Variants in SEMA5A observed in about 807,000 individuals in gnomAD.
SEMA5A encodes the protein semaphorin-5A.
Under a neutral mutation model 135.5 loss-of-function variants are expected in SEMA5A, and 55 were observed. The ratio of observed to expected loss-of-function variants is 0.41; its 90% CI spans 0.33 to 0.51. The LOEUF (loss-of-function observed/expected upper bound fraction) is 0.51. Ranked by LOEUF, SEMA5A falls within the 20% of genes least tolerant of loss-of-function variation. SEMA5A has a pLI of 0.37. For missense variants in SEMA5A, 1,290 were observed against 1,419.9 expected (o/e 0.91, Z 1.47); for synonymous variants, 580 against 546.5 (o/e 1.06, Z -0.85).
In SEMA5A at chr5:9,093,535, C is replaced by CGT. The variant is rs201860007; in HGVS notation, c.2073+14603_2073+14604dup. Among the ~76,000 whole-genome samples, 327 of 151,766 alleles carry CGT rather than the reference C, an allele frequency of 2.2e-3. 5 individuals are homozygous for CGT. Among genetic ancestry groups the CGT allele is most frequent in the African/African-American group, 7.0e-3 (291 of 41,370 alleles). ...CAGCCTGACGAATATGGTGAAACCCCGTCTCTACTAAAAATATAAAAGTTA... is the reference window on the plus strand; with the variant it reads ...CAGCCTGACGAATATGGTGAAACCCCGTGTCTCTACTAAAAATATAAAAGTTA... On this transcript the variant is annotated intron_variant, in intron 16 of 22. Transcript: ENST00000382496.
chr5:9,180,652 C>G (rs1744455261), intron 11 of SEMA5A, among the ~76,000 whole-genome samples: 1 of 151,964 alleles, frequency 6.6e-6, no homozygotes, highest in Non-Finnish European at 1.5e-5. Flanking sequence ...TTTCTGGTAC[C>G]CAGAAGGGTA....
At chr5:9,169,442 C>T (rs1196455377) in intron 11 of SEMA5A, among the ~76,000 whole-genome samples, 2 of 152,114 alleles carry the variant, frequency 1.3e-5, no homozygotes, top group Non-Finnish European at 2.9e-5. Context: ...TGGCTTTGTT[C>T]AGATAGTTGG....
intron 10 of SEMA5A, among the ~76,000 whole-genome samples, chr5:9,191,080 A>G (rs1460689443): frequency 6.6e-6 from 1 of 152,198 alleles, no homozygotes; most frequent in African/African-American, 2.4e-5. Context: ...GTCCAGGAAT[A>G]TGGAAAAGAA....
At position 9,110,333 on chromosome 5, in the gene SEMA5A, G is replaced by A. The variant is rs367857834; in HGVS notation, c.1926-2046C>T. Among the ~76,000 whole-genome samples, 114 of 152,264 alleles carry A rather than the reference G, an allele frequency of 7.5e-4. 1 individual carries two copies. In the South Asian group the frequency reaches 0.018, roughly 24 times the overall value. ...TTCTCTGGAGCCCCTGAGATTCGAG[G>A]AGCTCCTCATATTTCAGTATGGGGT... On this transcript the variant is annotated intron_variant, in intron 15 of 22. Coordinates refer to ENST00000382496, the MANE Select transcript of SEMA5A (RefSeq NM_003966.3).
At chr5:9,263,185 A>T (rs1160175035) in intron 5 of SEMA5A, among the ~76,000 whole-genome samples, 1 of 152,194 alleles carries the variant, frequency 6.6e-6, no homozygotes, top group African/African-American at 2.4e-5. Flanking sequence ...ATTGAAAGAA[A>T]GAAAAATTCC....
At chr5:9,144,753 C>T (rs557536423) in intron 12 of SEMA5A, among the ~76,000 whole-genome samples, 61 of 152,314 alleles carry the variant, frequency 4.0e-4, no homozygotes, top group Admixed American at 1.3e-3. Context: ...CAGATGCTCC[C>T]GCTGCTTGGA....
chr5:9,297,172 A>G (rs1751377834), intron 5 of SEMA5A, among the ~76,000 whole-genome samples: 1 of 151,872 alleles, frequency 6.6e-6, no homozygotes, highest in Non-Finnish European at 1.5e-5. Flanking sequence ...ATATATATAT[A>G]CATATACATA....
chr5:9,187,257 GA>G (rs1301206774), intron 11 of SEMA5A, among the ~76,000 whole-genome samples: 2 of 151,614 alleles, frequency 1.3e-5, no homozygotes, highest in East Asian at 1.9e-4. Flanking sequence ...ATTAAAATCT[GA>G]AAAAAAGACT....
intron 16 of SEMA5A, among the ~76,000 whole-genome samples, chr5:9,086,694 T>C (rs543895980): frequency 1.3e-5 from 2 of 152,318 alleles, no homozygotes; most frequent in East Asian, 3.9e-4. Flanking sequence ...CTTCCCAATC[T>C]GCAAGCAGAA....
intron 5 of SEMA5A, among the ~76,000 whole-genome samples, chr5:9,258,779 T>C (rs1260824568): frequency 5.9e-5 from 9 of 151,468 alleles, no homozygotes; most frequent in Admixed American, 5.9e-4. Context: ...ACTTCCACTA[T>C]TATTTGTCTT....
chr5:9,096,753 A>AT (rs1189077936), intron 16 of SEMA5A, among the ~76,000 whole-genome samples: 11 of 152,198 alleles, frequency 7.2e-5, no homozygotes, highest in African/African-American at 2.4e-4. Flanking sequence ...TGATAAAAAA[A>AT]ATATATATGA....
At chr5:9,514,138 G>A (rs561317715) in intron 1 of SEMA5A, among the ~76,000 whole-genome samples, 2 of 152,256 alleles carry the variant, frequency 1.3e-5, no homozygotes, top group South Asian at 4.1e-4. Flanking sequence ...TACAAGGGAG[G>A]AGCAGGGCAT....
At chr5:9,515,363 C>T (rs1227538375) in intron 1 of SEMA5A, among the ~76,000 whole-genome samples, 1 of 152,162 alleles carries the variant, frequency 6.6e-6, no homozygotes, top group Admixed American at 6.5e-5. Context: ...AAGGCAGGGA[C>T]CATCTCTAGT....
At chr5:9,209,096 G>T (rs892151417) in intron 8 of SEMA5A, among the ~76,000 whole-genome samples, 1 of 152,136 alleles carries the variant, frequency 6.6e-6, no homozygotes, top group African/African-American at 2.4e-5. Context: ...GAAATGGGCT[G>T]GCTTCCCCTA....
At chr5:9,539,544 G>T (rs1297982653) in intron 1 of SEMA5A, among the ~76,000 whole-genome samples, 1 of 152,160 alleles carries the variant, frequency 6.6e-6, no homozygotes, top group Non-Finnish European at 1.5e-5. Context: ...GGAGGAGAGG[G>T]TGCTGTTTTA....
chr5:9,241,297 T>C (rs1748181791), intron 5 of SEMA5A, among the ~76,000 whole-genome samples: 1 of 152,028 alleles, frequency 6.6e-6, no homozygotes, highest in Non-Finnish European at 1.5e-5. Context: ...TAACAAATAT[T>C]CATTAAGTAC....
At chr5:9,106,986 C>A (rs1560921961) in intron 16 of SEMA5A, among the ~76,000 whole-genome samples, 1 of 152,196 alleles carries the variant, frequency 6.6e-6, no homozygotes, top group Non-Finnish European at 1.5e-5. Context: ...TCATATCCCT[C>A]TTCCTTTCTG....
intron 5 of SEMA5A, among the ~76,000 whole-genome samples, chr5:9,267,335 C>G (rs941367387): frequency 1.3e-5 from 2 of 152,112 alleles, no homozygotes; most frequent in African/African-American, 4.8e-5. Flanking sequence ...GTTGCCCGAT[C>G]CACTTGAAAA....
chr5:9,305,560 A>T (rs1241489032), intron 5 of SEMA5A, among the ~76,000 whole-genome samples: 1 of 151,982 alleles, frequency 6.6e-6, no homozygotes, highest in African/African-American at 2.4e-5. Flanking sequence ...CACCGATGTC[A>T]CTATCCTTAA....
Sources: allele counts gnomAD v4.1 joint callset (sites outside exome capture counted in the v4.1 genomes callset), GRCh38; gene constraint gnomAD v4.1.1; transcripts MANE v1.5; gene names NCBI Gene and HGNC (gene_info 2026-07-23, HGNC 2026-07-21).